Variants in FILIP1L observed in about 807,000 individuals in gnomAD.
The protein encoded by FILIP1L is filamin A-interacting protein 1-like.
Under a neutral mutation model 96.6 loss-of-function variants are expected in FILIP1L, and 55 were observed. That is an observed-to-expected ratio of 0.57 (90% confidence interval 0.46 to 0.71). The LOEUF is 0.71. Among genes scored for constraint, FILIP1L ranks in the 30% least tolerant of loss-of-function variants. FILIP1L has a pLI of 0.00. For synonymous variants in FILIP1L, 467 were observed against 473.9 expected, an observed-to-expected ratio of 0.99 and a Z score of 0.19; for missense variants, 1,304 against 1,321.2, an observed-to-expected ratio of 0.99 and a Z score of 0.20.
Position 99,916,437 on chromosome 3 carries a change from T to TACACACACAC in FILIP1L, c.605+7783_605+7792dup, listed in dbSNP as rs10529210. ...GCCAACACTTTATAATAACGGTTTATACACACACACACACACACACACACA... is the reference window on the plus strand; with the variant it reads ...GCCAACACTTTATAATAACGGTTTATACACACACACACACACACACACACACACACACACA... On this transcript the variant is annotated intron_variant, in intron 4 of 5. Transcript: ENST00000477258. 3.1e-3 allele frequency among the ~76,000 whole-genome samples: 426 copies of TACACACACAC among 137,152 alleles called. 5 individuals are homozygous for TACACACACAC. The highest frequency in any genetic ancestry group is 8.7e-3 in the African/African-American group (314 of 35,984). The allele number at this position is 137,152 out of a possible 152,430, so 90.0% of individuals were successfully genotyped here. A position where few individuals can be genotyped will look rare whatever the true frequency, so the allele number is the denominator to read the frequency against.
At chr3:99,999,257 A>G (rs1297062297) in intron 1 of FILIP1L, among the ~76,000 whole-genome samples, 1 of 152,204 alleles carries the variant, frequency 6.6e-6, no homozygotes, top group East Asian at 1.9e-4. Flanking sequence ...TGTAGCAAGG[A>G]GGAAAAAGAG....
At chr3:100,074,753 G>T (rs1490181503) in intron 1 of FILIP1L, among the ~76,000 whole-genome samples, 1 of 124,692 alleles carries the variant, frequency 8.0e-6, no homozygotes, top group Non-Finnish European at 1.6e-5. Context: ...GAGTACAATG[G>T]CACGATCTTG....
chr3:99,997,311 C>T (rs1345886467), intron 1 of FILIP1L, among the ~76,000 whole-genome samples: 1 of 152,132 alleles, frequency 6.6e-6, no homozygotes, highest in African/African-American at 2.4e-5. Flanking sequence ...TAAAAGATCA[C>T]CAGAGACTAT....
chr3:99,930,883 T>G lies in FILIP1L; in HGVS notation c.138A>C (p.Val46=), dbSNP rs1473237765. Residue 46 remains valine (V), a synonymous_variant, in exon 2 of 6, where the codon GTA becomes GTC. Coordinates refer to ENST00000477258, the MANE Select transcript of FILIP1L (RefSeq NM_001387850.1). ...QDKDSPSESD[V]ILPCPKAEKP... is the part of the protein sequence containing the mutation. ...TCTCTGCCTTGGGACACGGAAGTAT[T>G]ACATCCGACTCACTGGGGGAGTCTT... 2 of 1,613,370 alleles carry G rather than the reference T, an allele frequency of 1.2e-6. No homozygotes were observed. Among genetic ancestry groups the G allele is most frequent in the Non-Finnish European group, 1.7e-6 (2 of 1,179,854 alleles).
At chr3:99,914,888 G>A (rs1025101274) in intron 4 of FILIP1L, among the ~76,000 whole-genome samples, 1 of 152,224 alleles carries the variant, frequency 6.6e-6, no homozygotes, top group Non-Finnish European at 1.5e-5. Flanking sequence ...TACTTTCATT[G>A]TGATGTAGAG....
intron 1 of FILIP1L, among the ~76,000 whole-genome samples, chr3:99,957,607 C>T (rs1282686169): frequency 6.6e-6 from 1 of 150,920 alleles, no homozygotes; most frequent in Non-Finnish European, 1.5e-5. Context: ...CTCCTATGAA[C>T]CTCTGCAGAG....
At position 99,924,276 on chromosome 3, in the gene FILIP1L, C is replaced by G. The variant is rs917214648; in HGVS notation, c.559G>C (p.Glu187Gln). ...AGGCATATGAATTCATCACTCTTCT[C>G]CATGTATTCTTTATGTTTTCTCTTT... ...EEKRKHKEYMEKSDEFICLLE... is the reference protein window; with the variant it reads ...EEKRKHKEYMQKSDEFICLLE... The change falls in exon 4 of 6, where the codon GAG becomes CAG. Residue 187 changes from glutamate (E) to glutamine (Q), a missense_variant. Glu to Gln is a conservative substitution (Grantham distance 29, BLOSUM62 2). Transcript: ENST00000477258. The G allele has an allele frequency of 1.9e-6, 3 of 1,613,976 alleles. No homozygotes were observed. The highest frequency in any genetic ancestry group is 1.3e-5 in the African/African-American group (1 of 74,918).
At chr3:100,013,897 T>C (rs948475220) in intron 1 of FILIP1L, among the ~76,000 whole-genome samples, 2 of 152,118 alleles carry the variant, frequency 1.3e-5, no homozygotes, top group African/African-American at 4.8e-5. Context: ...TGCTTCACAA[T>C]AGATCAACAG....
At chr3:99,957,693 C>CTTTTTTTTTTTTTTTGTTTTTTTTTTTT in intron 1 of FILIP1L, among the ~76,000 whole-genome samples, 1 of 19,894 alleles carries the variant, frequency 5.0e-5, no homozygotes, top group Non-Finnish European at 1.1e-4. Flanking sequence ...TTCTTTCTTT[C>CTTTTTTTTTTTTTTTGTTTTTTTTTTTT]TTTTTTTTTT....
intron 4 of FILIP1L, among the ~76,000 whole-genome samples, chr3:99,864,731 T>C (rs1174019865): frequency 6.6e-6 from 1 of 152,070 alleles, no homozygotes; most frequent in Admixed American, 6.6e-5. Flanking sequence ...ACCAGCTTCT[T>C]TGCTATTCCT....
chr3:99,918,999 A>G (rs1707041910), intron 4 of FILIP1L, among the ~76,000 whole-genome samples: 1 of 152,206 alleles, frequency 6.6e-6, no homozygotes. Flanking sequence ...ATTCTACAAC[A>G]ATAGTTTAGT....
chr3:100,044,414 A>C (rs1215039870), intron 1 of FILIP1L, among the ~76,000 whole-genome samples: 2 of 152,244 alleles, frequency 1.3e-5, no homozygotes, highest in Non-Finnish European at 2.9e-5. Flanking sequence ...TTTTTGAAAC[A>C]ATAGGTAAGC....
chr3:99,842,291 CA>C (rs1165967118), intron 5 of FILIP1L, among the ~76,000 whole-genome samples: 1 of 152,108 alleles, frequency 6.6e-6, no homozygotes, highest in African/African-American at 2.4e-5. Flanking sequence ...TATGAGGACA[CA>C]GAGGCATAAG....
At chr3:99,838,910 T>A (rs1029316374) in intron 5 of FILIP1L, among the ~76,000 whole-genome samples, 1 of 152,220 alleles carries the variant, frequency 6.6e-6, no homozygotes, top group Non-Finnish European at 1.5e-5. Context: ...GACTCCCTAG[T>A]GCTGTATTCA....
chr3:100,053,333 A>T (rs1194706074), intron 1 of FILIP1L, among the ~76,000 whole-genome samples: 1 of 152,202 alleles, frequency 6.6e-6, no homozygotes, highest in Admixed American at 6.5e-5. Flanking sequence ...TGCTTCCTTC[A>T]AAGGCCGTAG....
intron 3 of FILIP1L, among the ~76,000 whole-genome samples, chr3:99,926,770 A>G (rs566516440): frequency 4.3e-4 from 66 of 152,318 alleles, no homozygotes; most frequent in African/African-American, 1.5e-3. Context: ...AAAGAGAGAA[A>G]ATAGAAGGTT....
At chr3:99,948,569 C>T (rs143457417) in intron 1 of FILIP1L, among the ~76,000 whole-genome samples, 31 of 112,002 alleles carry the variant, frequency 2.8e-4, no homozygotes, top group Admixed American at 1.3e-3. Flanking sequence ...AAGGAGAAGG[C>T]GAAGGAGAAG....
chr3:100,066,764 C>CTAAATAAATGGTTTGAA (rs2065672275), intron 1 of FILIP1L, among the ~76,000 whole-genome samples: 1 of 94,568 alleles, frequency 1.1e-5, no homozygotes, highest in Non-Finnish European at 2.5e-5. Flanking sequence ...ATCTCCTGAC[C>CTAAATAAATGGTTTGAA]TCGTGATCCG....
At chr3:99,884,353 A>G (rs1305095954) in intron 4 of FILIP1L, among the ~76,000 whole-genome samples, 2 of 152,124 alleles carry the variant, frequency 1.3e-5, no homozygotes, top group Admixed American at 1.3e-4. Flanking sequence ...TTAAAATCCT[A>G]CCACACCATG....
Sources: gnomAD v4.1 joint callset for allele counts (sites outside exome capture counted in the v4.1 genomes callset) on GRCh38, gnomAD v4.1.1 for gene constraint, MANE v1.5 for transcripts, NCBI Gene and HGNC (gene_info 2026-07-23, HGNC 2026-07-21) for gene names.